The following PTPRG variants were observed in gnomAD, a reference collection of about 807,000 sequenced individuals.
PTPRG encodes the protein protein tyrosine phosphatase receptor type G.
Under a neutral mutation model 165.3 loss-of-function variants are expected in PTPRG, and 102 were observed. That is an observed-to-expected ratio of 0.62 (90% CI 0.53 to 0.73). The LOEUF is 0.73. PTPRG is among the 30% of genes least tolerant of loss of function. The pLI is 0.00. For synonymous variants in PTPRG, 675 were observed against 669.5 expected (o/e 1.01, Z -0.13); for missense variants, 1,866 against 1,861.4 (o/e 1.00, Z -0.05).
intron 1 of PTPRG, among the ~76,000 whole-genome samples, chr3:61,639,599 G>T (rs369862920): frequency 6.6e-6 from 1 of 151,844 alleles, no homozygotes; most frequent in Non-Finnish European, 1.5e-5. Flanking sequence ...GCAGTATTTC[G>T]TACTTCTTGT....
rs139364154 is a variant in PTPRG at position 61,967,230 on chromosome 3, C to T, written c.191-22395C>T. Among the ~76,000 whole-genome samples the T allele has an allele frequency of 2.4e-4, 36 of 152,274 alleles. No homozygotes were observed. The East Asian group carries it at 3.5e-3, about 15-fold the overall frequency. Reference sequence around the variant, plus strand: ...AGTTATCACAGGCCTTATCTTTGTCCGCACATCTGGTTGGGAGATGGGTCT... The same window carrying T: ...AGTTATCACAGGCCTTATCTTTGTCTGCACATCTGGTTGGGAGATGGGTCT... On this transcript the variant is annotated intron_variant, in intron 2 of 29. Coordinates refer to ENST00000474889, the MANE Select transcript of PTPRG (RefSeq NM_002841.4).
intron 4 of PTPRG, among the ~76,000 whole-genome samples, chr3:62,011,967 G>A (rs1369130931): frequency 1.3e-5 from 2 of 152,184 alleles, no homozygotes; most frequent in Non-Finnish European, 2.9e-5. Flanking sequence ...AAGAAAACCT[G>A]GTTAAGTTGG....
chr3:62,088,284 G>T (rs542014141), intron 5 of PTPRG, among the ~76,000 whole-genome samples: 31 of 152,292 alleles, frequency 2.0e-4, no homozygotes, highest in African/African-American at 7.5e-4. Flanking sequence ...TGTCTGTGCT[G>T]GCTGAGGTCA....
chr3:61,749,742 C>A (rs998940905), intron 2 of PTPRG: 7 of 153,944 alleles, frequency 4.5e-5, no homozygotes, highest in African/African-American at 1.7e-4. Context: ...TTAAGGAATG[C>A]TTGAGTAAGA....
At chr3:61,824,248 G>A (rs749842281) in intron 2 of PTPRG, among the ~76,000 whole-genome samples, 4 of 152,314 alleles carry the variant, frequency 2.6e-5, no homozygotes, top group Middle Eastern at 3.4e-3. Flanking sequence ...TATTTTCTAG[G>A]CTTTCCTGCA....
chr3:61,606,691 A>C (rs1182015913), intron 1 of PTPRG, among the ~76,000 whole-genome samples: 1 of 152,198 alleles, frequency 6.6e-6, no homozygotes, highest in Admixed American at 6.5e-5. Context: ...CAAGGGCTAC[A>C]TCCTCCAGAG....
At chr3:61,579,776 G>A (rs182110792) in intron 1 of PTPRG, among the ~76,000 whole-genome samples, 7 of 152,308 alleles carry the variant, frequency 4.6e-5, no homozygotes, top group Admixed American at 2.6e-4. Context: ...CCAGGTGAGC[G>A]AGGACAGAAG....
intron 2 of PTPRG, among the ~76,000 whole-genome samples, chr3:61,890,360 G>C (rs1431434928): frequency 1.3e-5 from 2 of 150,588 alleles, no homozygotes; most frequent in East Asian, 1.9e-4. Flanking sequence ...TGCTGTGCAA[G>C]GCGATGGTCA....
chr3:62,145,830 C>T (rs935134732), intron 6 of PTPRG, among the ~76,000 whole-genome samples: 2 of 152,182 alleles, frequency 1.3e-5, no homozygotes, highest in Non-Finnish European at 2.9e-5. Flanking sequence ...TGTATCCCAG[C>T]CATGCAGTGG....
At chr3:62,077,369 G>A (rs1701422721) in intron 4 of PTPRG, among the ~76,000 whole-genome samples, 1 of 152,008 alleles carries the variant, frequency 6.6e-6, no homozygotes, top group Admixed American at 6.5e-5. Context: ...GATTCTCTCT[G>A]ATGTGTAATA....
At chr3:61,688,869 T>C (rs1228469864) in intron 1 of PTPRG, among the ~76,000 whole-genome samples, 1 of 152,214 alleles carries the variant, frequency 6.6e-6, no homozygotes, top group African/African-American at 2.4e-5. Flanking sequence ...GGCTTGACCT[T>C]GGCTGACTTG....
intron 1 of PTPRG, among the ~76,000 whole-genome samples, chr3:61,705,794 G>T (rs1458656712): frequency 6.6e-6 from 1 of 152,206 alleles, no homozygotes; most frequent in Non-Finnish European, 1.5e-5. Context: ...CATTCTTGGG[G>T]AGGACTGATG....
At chr3:62,191,800 G>T in intron 9 of PTPRG, 147 bp downstream of exon 9, 1 of 878,900 alleles carries the variant, frequency 1.1e-6, no homozygotes, top group East Asian at 2.7e-5. Context: ...TTGCTGCGCT[G>T]CTCGAGAGTG....
chr3:61,827,028 A>G (rs372008566), intron 2 of PTPRG, among the ~76,000 whole-genome samples: 1 of 152,156 alleles, frequency 6.6e-6, no homozygotes, highest in Non-Finnish European at 1.5e-5. Flanking sequence ...CTAGAATGAG[A>G]ATATCGATAT....
chr3:62,293,394 C>T lies in PTPRG; in HGVS notation c.*87C>T. 3 of 1,189,010 alleles carry T rather than the reference C, an allele frequency of 2.5e-6. No homozygotes were observed. Among genetic ancestry groups the T allele is most frequent in the Non-Finnish European group, 3.4e-6 (3 of 877,010 alleles). 73.7% of individuals were successfully genotyped at this position (1,189,010 alleles called of 1,614,324 possible). A position where few individuals can be genotyped will look rare whatever the true frequency, so the allele number is the denominator to read the frequency against. ...CTTTTTTGCCAGACTCTAGGTTATA[C>T]AATAACCCAGTTACTTTTTTACACT... On this transcript the variant is annotated 3_prime_UTR_variant, in exon 30 of 30. Coordinates refer to ENST00000474889, the MANE Select transcript of PTPRG (RefSeq NM_002841.4).
rs191907524 is a variant in PTPRG at position 61,605,346 on chromosome 3, C to T, written c.85+42974C>T. Among the ~76,000 whole-genome samples, 6 of 152,246 alleles carry T rather than the reference C, an allele frequency of 3.9e-5. No individual in the cohort carries two copies. The East Asian group carries it at 1.2e-3, about 29-fold the overall frequency. On this transcript the variant is annotated intron_variant, in intron 1 of 29. Transcript: ENST00000474889. ...TCTCGACTCACTGCAACCTCTGCCTCCCAGGTTCAAGTGATTCTCCTGCCT... is the reference window on the plus strand; with the variant it reads ...TCTCGACTCACTGCAACCTCTGCCTTCCAGGTTCAAGTGATTCTCCTGCCT...
At chr3:61,650,424 A>G (rs1343004198) in intron 1 of PTPRG, among the ~76,000 whole-genome samples, 1 of 152,224 alleles carries the variant, frequency 6.6e-6, no homozygotes, top group African/African-American at 2.4e-5. Flanking sequence ...AACTGTTGAG[A>G]AGCAGCCAAA....
chr3:62,175,359 T>G (rs1021202540), intron 8 of PTPRG, among the ~76,000 whole-genome samples: 1 of 152,186 alleles, frequency 6.6e-6, no homozygotes, highest in Non-Finnish European at 1.5e-5. Context: ...CACGCGCCAG[T>G]AGTCCCAGCT....
intron 5 of PTPRG, among the ~76,000 whole-genome samples, chr3:62,094,834 C>G (rs189031611): frequency 1.3e-5 from 2 of 152,200 alleles, no homozygotes; most frequent in African/African-American, 4.8e-5. Flanking sequence ...TTTTTAGAAG[C>G]CCAGAAGCAG....
Sources: gnomAD v4.1 joint callset for allele counts (sites outside exome capture counted in the v4.1 genomes callset) on GRCh38, gnomAD v4.1.1 for gene constraint, MANE v1.5 for transcripts, NCBI Gene and HGNC (gene_info 2026-07-23, HGNC 2026-07-21) for gene names.